TLN2: variants seen among roughly 807,000 people sequenced by gnomAD.
TLN2 encodes the protein talin-2.
A neutral mutation model predicts 294.7 loss-of-function variants in TLN2; 118 were observed. The ratio of observed to expected loss-of-function variants is 0.40; its 90% CI spans 0.34 to 0.47. The LOEUF (loss-of-function observed/expected upper bound fraction) is 0.47. Among genes scored for constraint, TLN2 ranks in the 20% least tolerant of loss-of-function variants. TLN2 has a pLI of 0.84. For missense variants in TLN2, 3,083 were observed against 3,282.2 expected, an observed-to-expected ratio of 0.94 and a Z score of 1.48; for synonymous variants, 1,431 against 1,304.5, an observed-to-expected ratio of 1.10 and a Z score of -2.09.
At chr15:62,495,103 A>G (rs398933) in intron 1 of TLN2, among the ~76,000 whole-genome samples, 15,666 of 152,208 alleles carry the variant, frequency 0.1, 1,903 homozygotes, top group African/African-American at 0.3. Context: ...TGCACTTGCA[A>G]TTGCACTGTG....
At chr15:62,504,638 C>T (rs28700037) in intron 1 of TLN2, among the ~76,000 whole-genome samples, 2,141 of 152,246 alleles carry the variant, frequency 0.014, 54 homozygotes, top group African/African-American at 0.049. Context: ...AAAAAGTGAA[C>T]CTTGATCCTT....
intron 22 of TLN2, among the ~76,000 whole-genome samples, chr15:62,713,819 A>G (rs1316504597): frequency 2.6e-5 from 4 of 151,496 alleles, no homozygotes; most frequent in Admixed American, 1.3e-4. Flanking sequence ...AGGGAGGGAC[A>G]GTGTCTGAGC....
In TLN2 at chr15:62,750,386, T is replaced by C. The variant is rs763788762; in HGVS notation, c.4120-16T>C. ...TGACATTTGCTTGCTTTTTATGTTG[T>C]GTTCTTCTTCTGTAGACTGTGAAGG... On this transcript the variant is annotated splice_polypyrimidine_tract_variant and intron_variant, in intron 33 of 58. Coordinates refer to ENST00000636159, the MANE Select transcript of TLN2 (RefSeq NM_015059.3). 5.6e-6 allele frequency: 9 copies of C among 1,610,296 alleles called. No individual in the cohort carries two copies. The highest frequency in any genetic ancestry group is 6.8e-6 in the Non-Finnish European group (8 of 1,176,456).
At chr15:62,738,835 T>C (rs567180019) in intron 30 of TLN2, among the ~76,000 whole-genome samples, 1 of 152,350 alleles carries the variant, frequency 6.6e-6, no homozygotes, top group Admixed American at 6.5e-5. Flanking sequence ...CTTAACTCCC[T>C]AGAACTTTTC....
chr15:62,580,819 C>T (rs1879669200), intron 1 of TLN2, among the ~76,000 whole-genome samples: 1 of 151,064 alleles, frequency 6.6e-6, no homozygotes, highest in African/African-American at 2.4e-5. Flanking sequence ...AAAAAATCCT[C>T]AGTGCTGCTT....
At chr15:62,426,628 C>G (rs2034727631) in intron 1 of TLN2, among the ~76,000 whole-genome samples, 1 of 152,232 alleles carries the variant, frequency 6.6e-6, no homozygotes, top group Non-Finnish European at 1.5e-5. Context: ...CTAGTCAGAT[C>G]ACTGGGGGCC....
chr15:62,470,861 G>T (rs1310752838), intron 1 of TLN2, among the ~76,000 whole-genome samples: 1 of 152,144 alleles, frequency 6.6e-6, no homozygotes, highest in Non-Finnish European at 1.5e-5. Context: ...GGCTATCGAG[G>T]CAATTCATAT....
intron 2 of TLN2, among the ~76,000 whole-genome samples, chr15:62,596,514 G>C (rs2046531701): frequency 6.6e-6 from 1 of 152,180 alleles, no homozygotes; most frequent in South Asian, 2.1e-4. Flanking sequence ...AAAGTGAGTG[G>C]ATCACCTGAG....
chr15:62,839,395 T>C (rs922373921), intron 58 of TLN2, among the ~76,000 whole-genome samples: 5 of 152,242 alleles, frequency 3.3e-5, no homozygotes, highest in African/African-American at 1.2e-4. Context: ...TCAAGGATTC[T>C]ATTGTAGAAA....
Position 62,492,239 on chromosome 15 carries a change from C to T in TLN2, c.-237-97448C>T, listed in dbSNP as rs1299591708. ...GGCTGAGGCGGGTGGATCATGAGGT[C>T]AGGAGATCAAGACCATCCTGGCTAA... On this transcript the variant is annotated intron_variant, in intron 1 of 58. Transcript: ENST00000636159. Among the ~76,000 whole-genome samples the T allele has an allele frequency of 2.0e-5, 3 of 151,920 alleles. No homozygotes were observed. In the East Asian group the frequency reaches 5.8e-4, roughly 29 times the overall value.
At chr15:62,437,727 C>T (rs900101869) in intron 1 of TLN2, among the ~76,000 whole-genome samples, 10 of 147,118 alleles carry the variant, frequency 6.8e-5, no homozygotes, top group Non-Finnish European at 9.0e-5. Flanking sequence ...CTCTGTAAAA[C>T]GGTACTTTCA....
At chr15:62,452,246 T>C (rs1469352190) in intron 1 of TLN2, among the ~76,000 whole-genome samples, 1 of 152,168 alleles carries the variant, frequency 6.6e-6, no homozygotes, top group Non-Finnish European at 1.5e-5. Context: ...CCGTCCTAGC[T>C]GCAAACCTGC....
chr15:62,700,977 G>C, intron 16 of TLN2, 129 bp from the exon 17 acceptor site: 1 of 723,700 alleles, frequency 1.4e-6, no homozygotes, highest in Non-Finnish European at 2.4e-6. Context: ...ATAACTTAAG[G>C]GCCCTGTCGG....
chr15:62,703,539 CAGGAGG>C (rs1023576204), intron 19 of TLN2, among the ~76,000 whole-genome samples: 1 of 151,726 alleles, frequency 6.6e-6, no homozygotes, highest in African/African-American at 2.4e-5. Flanking sequence ...TTTATCTGTT[CAGGAGG>C]AGGTTTTAAT....
chr15:62,445,847 A>T (rs1024391112), intron 1 of TLN2, among the ~76,000 whole-genome samples: 1 of 152,110 alleles, frequency 6.6e-6, no homozygotes, highest in Admixed American at 6.5e-5. Context: ...AATTTCTAGT[A>T]GAGATGAGGG....
chr15:62,503,001 G>A (rs779386920), intron 1 of TLN2, among the ~76,000 whole-genome samples: 2 of 152,134 alleles, frequency 1.3e-5, no homozygotes, highest in Non-Finnish European at 2.9e-5. Context: ...TTCAAATACT[G>A]CTTTATTAGC....
chr15:62,467,168 A>T (rs2037180700), intron 1 of TLN2, among the ~76,000 whole-genome samples: 1 of 152,244 alleles, frequency 6.6e-6, no homozygotes, highest in African/African-American at 2.4e-5. Context: ...CCATACCAGG[A>T]GGCCGGAGTC....
chr15:62,742,122 T>G (rs1474281151), intron 32 of TLN2, among the ~76,000 whole-genome samples: 3 of 151,528 alleles, frequency 2.0e-5, no homozygotes, highest in Non-Finnish European at 2.9e-5. Context: ...CCCTTGAGTT[T>G]CTTCATTTAT....
At position 62,447,494 on chromosome 15, in the gene TLN2, C is replaced by CT. The variant is rs555848983; in HGVS notation, c.-238+56827dup. 8.2e-3 allele frequency among the ~76,000 whole-genome samples: 1,075 copies of CT among 131,618 alleles called. 13 individuals carry two copies. Among genetic ancestry groups the CT allele is most frequent in the African/African-American group, 0.014 (493 of 35,778 alleles). The allele number at this position is 131,618 out of a possible 152,430, so 86.3% of individuals were successfully genotyped here. ...TGCTCCTTGGACAGAGTTAACTTTA[C>CT]TTTTTTTTTTTTTTTTTTGAGATGG... On this transcript the variant is annotated intron_variant, in intron 1 of 58. Coordinates refer to ENST00000636159, the MANE Select transcript of TLN2 (RefSeq NM_015059.3).
Sources: gnomAD v4.1 joint callset for allele counts (sites outside exome capture counted in the v4.1 genomes callset) on GRCh38, gnomAD v4.1.1 for gene constraint, MANE v1.5 for transcripts, NCBI Gene and HGNC (gene_info 2026-07-23, HGNC 2026-07-21) for gene names.